NRXN1: variants seen among roughly 807,000 people sequenced by gnomAD.
The protein encoded by NRXN1 is neurexin 1.
NRXN1 carries 39 observed loss-of-function variants against 150.9 expected under a neutral mutation model. The observed-to-expected ratio is 0.26, with a 90% confidence interval of 0.20 to 0.34. The LOEUF (loss-of-function observed/expected upper bound fraction) is 0.34. Ranked by LOEUF, NRXN1 falls within the 10% of genes least tolerant of loss-of-function variation. The pLI is 1.00. For synonymous variants in NRXN1, 924 were observed against 757.0 expected (o/e 1.22, Z -3.62); for missense variants, 1,815 against 1,949.9 (o/e 0.93, Z 1.30).
chr2:50,813,856 C>A (rs1668560132), intron 5 of NRXN1, among the ~76,000 whole-genome samples: 1 of 152,104 alleles, frequency 6.6e-6, no homozygotes, highest in African/African-American at 2.4e-5. Flanking sequence ...ACTAATTATT[C>A]TTTTCAGTGC....
At chr2:50,759,090 G>A (rs1701493678) in intron 5 of NRXN1, among the ~76,000 whole-genome samples, 1 of 151,936 alleles carries the variant, frequency 6.6e-6, no homozygotes, top group African/African-American at 2.4e-5. Context: ...GAGCAACAGT[G>A]TGCACAGGTT....
intron 5 of NRXN1, among the ~76,000 whole-genome samples, chr2:50,680,314 A>C (rs933773862): frequency 2.6e-5 from 4 of 152,088 alleles, no homozygotes; most frequent in Non-Finnish European, 5.9e-5. Flanking sequence ...CTTTGAATCG[A>C]ATTTATTACC....
chr2:50,358,060 C>A (rs757836805), intron 17 of NRXN1, among the ~76,000 whole-genome samples: 1 of 152,090 alleles, frequency 6.6e-6, no homozygotes, highest in Non-Finnish European at 1.5e-5. Flanking sequence ...ACGCACTAGG[C>A]TTTTCCCATG....
At chr2:50,405,766 T>G (rs552457543) in intron 17 of NRXN1, among the ~76,000 whole-genome samples, 1 of 152,288 alleles carries the variant, frequency 6.6e-6, no homozygotes, top group Admixed American at 6.5e-5. Context: ...TTTAATTTCC[T>G]GAGGAATTAA....
At chr2:50,395,168 T>C (rs1477596477) in intron 17 of NRXN1, among the ~76,000 whole-genome samples, 3 of 152,048 alleles carry the variant, frequency 2.0e-5, no homozygotes, top group African/African-American at 7.2e-5. Flanking sequence ...TCTAGGAGGA[T>C]AAGAATTCTA....
chr2:50,486,211 T>G (rs994927166), intron 15 of NRXN1, among the ~76,000 whole-genome samples: 1 of 152,144 alleles, frequency 6.6e-6, no homozygotes, highest in African/African-American at 2.4e-5. Flanking sequence ...ACATAAGCCC[T>G]TAACATGATG....
chr2:50,253,044 C>T (rs1213694202), intron 17 of NRXN1, among the ~76,000 whole-genome samples: 1 of 152,138 alleles, frequency 6.6e-6, no homozygotes, highest in African/African-American at 2.4e-5. Flanking sequence ...TATCCATGAG[C>T]ATGGAATGCT....
chr2:50,236,640 G>C, intron 18 of NRXN1, 149 bp downstream of exon 18: 1 of 738,746 alleles, frequency 1.4e-6, no homozygotes, highest in Non-Finnish European at 2.3e-6. Context: ...TAGGTATATG[G>C]TCTTATTTCC....
chr2:50,897,653 G>A (rs1274787401), intron 5 of NRXN1, among the ~76,000 whole-genome samples: 2 of 152,318 alleles, frequency 1.3e-5, no homozygotes, highest in African/African-American at 2.4e-5. Flanking sequence ...AAATGAAGAA[G>A]CCACACACAA....
intron 5 of NRXN1, among the ~76,000 whole-genome samples, chr2:50,740,257 G>A (rs1390424228): frequency 6.6e-6 from 1 of 152,156 alleles, no homozygotes; most frequent in Non-Finnish European, 1.5e-5. Flanking sequence ...GCCTGTGACT[G>A]GCTCAGAAAA....
At chr2:50,743,462 G>A (rs1480389511) in intron 5 of NRXN1, among the ~76,000 whole-genome samples, 1 of 152,116 alleles carries the variant, frequency 6.6e-6, no homozygotes, top group Non-Finnish European at 1.5e-5. Flanking sequence ...GCTGGGAAAT[G>A]GAGAAGGGAA....
chr2:50,598,179 C>T (rs1428602449), intron 8 of NRXN1, among the ~76,000 whole-genome samples: 2 of 151,854 alleles, frequency 1.3e-5, no homozygotes, highest in Admixed American at 1.3e-4. Context: ...ATACCTCTAC[C>T]CGGTGAATTT....
chr2:50,052,008 T>C (rs1240419783), intron 21 of NRXN1, among the ~76,000 whole-genome samples: 1 of 152,098 alleles, frequency 6.6e-6, no homozygotes, highest in Non-Finnish European at 1.5e-5. Flanking sequence ...TGCCCATCCC[T>C]CTTCTAGGAC....
intron 15 of NRXN1, among the ~76,000 whole-genome samples, chr2:50,494,381 CT>C: frequency 6.6e-6 from 1 of 152,294 alleles, no homozygotes; most frequent in East Asian, 1.9e-4. Flanking sequence ...CAATCTCTCC[CT>C]TTCTTTTGAC....
intron 17 of NRXN1, among the ~76,000 whole-genome samples, chr2:50,252,281 A>T (rs1239314312): frequency 2.1e-5 from 2 of 96,810 alleles, no homozygotes; most frequent in South Asian, 3.1e-4. Flanking sequence ...TTTTTTTGAG[A>T]CAGAGTATCC....
At chr2:50,773,536 G>A (rs948015917) in intron 5 of NRXN1, among the ~76,000 whole-genome samples, 4 of 152,054 alleles carry the variant, frequency 2.6e-5, no homozygotes, top group African/African-American at 9.7e-5. Flanking sequence ...TTCATAGGAG[G>A]GAATCAATAA....
At chr2:50,290,716 T>C (rs2072811623) in intron 17 of NRXN1, among the ~76,000 whole-genome samples, 1 of 152,116 alleles carries the variant, frequency 6.6e-6, no homozygotes, top group Non-Finnish European at 1.5e-5. Flanking sequence ...GCTTTGGAGT[T>C]AGAATGCTGG....
In NRXN1 at chr2:50,654,087, T is replaced by A. The variant is rs1294503986; in HGVS notation, c.833-30472A>T. 2.0e-5 allele frequency among the ~76,000 whole-genome samples: 3 copies of A among 150,996 alleles called. No individual in the cohort carries two copies. The East Asian group carries it at 5.9e-4, about 30-fold the overall frequency. ...GGTACATGTGTACAACGTGCAGGTT[T>A]GTTACATATGTATACATGTGCCATG... On this transcript the variant is annotated intron_variant, in intron 5 of 22. Coordinates refer to ENST00000401669, the MANE Select transcript of NRXN1 (RefSeq NM_001330078.2).
At chr2:50,760,416 C>A (rs573717445) in intron 5 of NRXN1, among the ~76,000 whole-genome samples, 1 of 151,896 alleles carries the variant, frequency 6.6e-6, no homozygotes, top group African/African-American at 2.4e-5. Flanking sequence ...CAGCAAAATC[C>A]CTAGACAAAT....
Sources: allele counts gnomAD v4.1 joint callset (sites outside exome capture counted in the v4.1 genomes callset), GRCh38; gene constraint gnomAD v4.1.1; transcripts MANE v1.5; gene names NCBI Gene and HGNC (gene_info 2026-07-23, HGNC 2026-07-21).